PRKN: variants seen among roughly 807,000 people sequenced by gnomAD.
The protein encoded by PRKN is parkin RBR E3 ubiquitin protein ligase.
A neutral mutation model predicts 59.5 loss-of-function variants in PRKN; 56 were observed. That is an observed-to-expected ratio of 0.94 (90% CI 0.76 to 1.18). The LOEUF is 1.18. PRKN is among the 50% of genes most tolerant of loss of function. PRKN has a pLI of 0.00. For missense variants in PRKN, 657 were observed against 596.4 expected, an observed-to-expected ratio of 1.10 and a Z score of -1.06; for synonymous variants, 250 against 222.1, an observed-to-expected ratio of 1.13 and a Z score of -1.12.
intron 7 of PRKN, among the ~76,000 whole-genome samples, chr6:161,749,892 A>G (rs1788603479): frequency 1.3e-5 from 2 of 152,130 alleles, no homozygotes; most frequent in South Asian, 2.1e-4. Context: ...ACTTTAAAAA[A>G]CAACAAAAAC....
intron 6 of PRKN, among the ~76,000 whole-genome samples, chr6:161,874,432 AATATTATATATAAAATAT>A (rs1562355129): frequency 1.6e-4 from 6 of 38,104 alleles, no homozygotes; most frequent in Non-Finnish European, 3.2e-4. Context: ...TTATATGTAA[AATATTATATATAAAATAT>A]ATATTATATG....
intron 1 of PRKN, among the ~76,000 whole-genome samples, chr6:162,691,348 A>T (rs1777767563): frequency 6.6e-6 from 1 of 152,192 alleles, no homozygotes; most frequent in African/African-American, 2.4e-5. Flanking sequence ...AATACATTAC[A>T]CCATCTCATA....
At chr6:161,899,619 GCTCTT>G (rs1256254257) in intron 6 of PRKN, among the ~76,000 whole-genome samples, 1 of 152,094 alleles carries the variant, frequency 6.6e-6, no homozygotes, top group Non-Finnish European at 1.5e-5. Context: ...CCACTGCCTG[GCTCTT>G]CTCTTCAGCT....
chr6:162,655,077 CTT>C (rs972436150), intron 1 of PRKN, among the ~76,000 whole-genome samples: 13 of 152,052 alleles, frequency 8.5e-5, no homozygotes, highest in African/African-American at 3.1e-4. Flanking sequence ...TGCTATTCAT[CTT>C]TTTCATAAAT....
intron 4 of PRKN, among the ~76,000 whole-genome samples, chr6:162,091,948 A>C (rs1296731489): frequency 6.6e-6 from 1 of 152,084 alleles, no homozygotes; most frequent in Non-Finnish European, 1.5e-5. Flanking sequence ...AGGTGGGAGG[A>C]TCCATTGAGC....
chr6:161,898,395 A>G (rs1361318698), intron 6 of PRKN, among the ~76,000 whole-genome samples: 1 of 152,202 alleles, frequency 6.6e-6, no homozygotes, highest in Non-Finnish European at 1.5e-5. Flanking sequence ...ACATCTGTAT[A>G]TTGCTTTACA....
At chr6:162,572,896 T>G in intron 1 of PRKN, among the ~76,000 whole-genome samples, 1 of 152,060 alleles carries the variant, frequency 6.6e-6, no homozygotes, top group East Asian at 1.9e-4. Context: ...TTCCCTTTGC[T>G]CCCCAGTAAT....
chr6:162,574,920 A>T (rs1358188373), intron 1 of PRKN, among the ~76,000 whole-genome samples: 1 of 107,482 alleles, frequency 9.3e-6, no homozygotes, highest in East Asian at 4.0e-4. Flanking sequence ...AGTGTAGTTG[A>T]GTTTTCCCCT....
In PRKN at chr6:161,353,097, C is replaced by A. The variant is rs987346227; in HGVS notation, c.1286-2886G>T. 6.6e-6 allele frequency among the ~76,000 whole-genome samples: 1 copy of A among 152,124 alleles called. No homozygotes were observed. The highest frequency in any genetic ancestry group is 2.4e-5 in the African/African-American group (1 of 41,426). ...CTGGCTGATAGATGTGTTTTTCATACACAGTCCCTGGCTTATAACTCCCAT... is the reference window on the plus strand; with the variant it reads ...CTGGCTGATAGATGTGTTTTTCATAAACAGTCCCTGGCTTATAACTCCCAT... On this transcript the variant is annotated intron_variant, in intron 11 of 11. Coordinates refer to ENST00000366898, the MANE Select transcript of PRKN (RefSeq NM_004562.3). The surrounding 1 kb of genome is among the most constrained non-coding windows in gnomAD (Gnocchi z 4.8).
Position 161,419,704 on chromosome 6 carries a change from AG to A in PRKN, c.1084-32828del. ...CGCCCAGCCTCCTCTGACTTTTGTA[AG>A]GGAAATAATTAGATTCTGCTTGTGT... On this transcript the variant is annotated intron_variant, in intron 9 of 11. Coordinates refer to ENST00000366898, the MANE Select transcript of PRKN (RefSeq NM_004562.3). The surrounding 1 kb of genome is among the most constrained non-coding windows in gnomAD (Gnocchi z 4.1). 6.6e-6 allele frequency among the ~76,000 whole-genome samples: 1 copy of A among 151,990 alleles called. No individual in the cohort carries two copies. The highest frequency in any genetic ancestry group is 1.5e-5 in the Non-Finnish European group (1 of 67,976).
At chr6:162,205,052 A>G (rs1784881529) in intron 3 of PRKN, among the ~76,000 whole-genome samples, 3 of 151,824 alleles carry the variant, frequency 2.0e-5, no homozygotes, top group Admixed American at 2.0e-4. Context: ...TAGTAGAGAC[A>G]GGGTTTCACC....
At chr6:162,046,043 A>G (rs1784235491) in intron 5 of PRKN, among the ~76,000 whole-genome samples, 1 of 152,226 alleles carries the variant, frequency 6.6e-6, no homozygotes, top group Non-Finnish European at 1.5e-5. Flanking sequence ...ATCTATTACT[A>G]TCTTTTCCAG....
At chr6:161,737,887 T>A (rs965274400) in intron 7 of PRKN, among the ~76,000 whole-genome samples, 9 of 152,194 alleles carry the variant, frequency 5.9e-5, no homozygotes, top group African/African-American at 2.2e-4. Context: ...CTGCATTACA[T>A]CCAGCGTATC....
intron 6 of PRKN, among the ~76,000 whole-genome samples, chr6:161,901,277 G>A (rs1239233516): frequency 6.6e-6 from 1 of 152,044 alleles, no homozygotes; most frequent in Non-Finnish European, 1.5e-5. Context: ...AAAGCAGTTT[G>A]GATCGATGGC....
At chr6:162,465,640 T>G (rs1791377177) in intron 1 of PRKN, among the ~76,000 whole-genome samples, 1 of 152,184 alleles carries the variant, frequency 6.6e-6, no homozygotes, top group Non-Finnish European at 1.5e-5. Flanking sequence ...CAAGAAAGAA[T>G]AGGAAGTGTT....
intron 7 of PRKN, among the ~76,000 whole-genome samples, chr6:161,690,958 A>AATCCATCCATCC (rs35211075): frequency 0.025 from 3,615 of 145,802 alleles, 87 homozygotes; most frequent in Admixed American, 0.066. Context: ...TCGATTGAAC[A>AATCCATCCATCC]ATCCATCCAT....
chr6:162,333,819 G>A (rs910942581), intron 2 of PRKN, among the ~76,000 whole-genome samples: 4 of 152,206 alleles, frequency 2.6e-5, no homozygotes, highest in African/African-American at 4.8e-5. Context: ...GCCAAGACAG[G>A]CTTTGCACCA....
rs35131999 is a variant in PRKN at position 161,408,317 on chromosome 6, T to TAA, written c.1084-21442_1084-21441dup. ...CACACAATTAAGGGTGAAAAACTGGTAAAAAAAAAAAAAAAAAAAGCCCAT... is the reference window on the plus strand; with the variant it reads ...CACACAATTAAGGGTGAAAAACTGGTAAAAAAAAAAAAAAAAAAAAAGCCCAT... On this transcript the variant is annotated intron_variant, in intron 9 of 11. Transcript: ENST00000366898. Among the ~76,000 whole-genome samples, 488 of 99,516 alleles carry TAA rather than the reference T, an allele frequency of 4.9e-3. 3 individuals carry two copies. Among genetic ancestry groups the TAA allele is most frequent in the African/African-American group, 0.011 (322 of 29,228 alleles). 65.3% of individuals were successfully genotyped at this position (99,516 alleles called of 152,430 possible).
chr6:162,231,982 C>T (rs1007670321), intron 3 of PRKN, among the ~76,000 whole-genome samples: 8 of 152,140 alleles, frequency 5.3e-5, no homozygotes, highest in African/African-American at 1.9e-4. Flanking sequence ...TCACCTGTCA[C>T]CTAGAGATGG....
Sources: allele counts gnomAD v4.1 joint callset (sites outside exome capture counted in the v4.1 genomes callset), GRCh38; gene constraint gnomAD v4.1.1; non-coding constraint Gnocchi (gnomAD v3.1); transcripts MANE v1.5; gene names NCBI Gene and HGNC (gene_info 2026-07-23, HGNC 2026-07-21).